The following RABL6 variants were observed in gnomAD, a reference collection of about 807,000 sequenced individuals.
RABL6 encodes the protein rab-like protein 6.
A neutral mutation model predicts 72.9 loss-of-function variants in RABL6; 28 were observed. The observed-to-expected ratio is 0.38, with a 90% CI of 0.28 to 0.53. The LOEUF (loss-of-function observed/expected upper bound fraction) is 0.53, where lower values mean the gene tolerates loss of function less well. RABL6 is among the 20% of genes least tolerant of loss of function. The pLI, the probability that RABL6 is intolerant of heterozygous loss-of-function variation, is 0.80. For missense variants in RABL6, 1,029 were observed against 1,008.4 expected (o/e 1.02, Z -0.28); for synonymous variants, 477 against 421.2 (o/e 1.13, Z -1.62).
At chr9:136,812,828 C>A in intron 1 of RABL6, 1 of 350,296 alleles carries the variant, frequency 2.9e-6, no homozygotes, top group South Asian at 2.6e-5. Context: ...GTCACCTCTG[C>A]CTCCCCAGAA....
intron 7 of RABL6, chr9:136,834,534 G>A (rs1294276412): frequency 2.2e-5 from 20 of 900,670 alleles, no homozygotes; most frequent in East Asian, 1.2e-4. Flanking sequence ...GCTGGAGTAC[G>A]GTGGTGCAAT....
At chr9:136,821,824 G>C in intron 1 of RABL6, 2 of 1,190,492 alleles carry the variant, frequency 1.7e-6, no homozygotes, top group South Asian at 3.1e-5. Flanking sequence ...CGAGGGCCCA[G>C]CCTTCCGCGG....
rs373968985 is a variant in RABL6 at position 136,832,386 on chromosome 9, G to A, written c.705+16G>A. ...GCAGCTTCAGGTAAGCACTCACCAC[G>A]TGGGGTGGAGTGGCTGCTGGTCTCT... On this transcript the variant is annotated intron_variant, in intron 7 of 14. Coordinates refer to ENST00000311502, the MANE Select transcript of RABL6 (RefSeq NM_024718.5). 5.2e-5 allele frequency: 82 copies of A among 1,573,078 alleles called. No individual in the cohort carries two copies. Among genetic ancestry groups the A allele is most frequent in the Admixed American group, 1.5e-4 (9 of 59,960 alleles).
At position 136,820,076 on chromosome 9, in the gene RABL6, G is replaced by A. The variant is rs376863817; in HGVS notation, c.131-3449G>A. 2.6e-5 allele frequency among the ~76,000 whole-genome samples: 4 copies of A among 152,038 alleles called. No homozygotes were observed. In the East Asian group the frequency reaches 5.8e-4, roughly 22 times the overall value. On this transcript the variant is annotated intron_variant, in intron 1 of 14. Transcript: ENST00000311502. ...AAATTAGGCATGGCGGCTTGCGCCT[G>A]TAGTCCCAGCTACTTGGGAGGCTGA... is the stretch of plus-strand genomic sequence containing the variant.
chr9:136,824,749 G>T (rs1173028861), intron 2 of RABL6, among the ~76,000 whole-genome samples: 1 of 152,174 alleles, frequency 6.6e-6, no homozygotes, highest in Admixed American at 6.5e-5. Flanking sequence ...GGACTGCTGT[G>T]CAGGAACAGC....
rs903797826 is a variant in RABL6, at chr9:136,811,806, A to C, written c.130+3480A>C. ...CGCGCCTGGCCAGATTATGTTTCTT[A>C]TCAGACTTAAAGTCAGTGTTGATGT... On this transcript the variant is annotated intron_variant, in intron 1 of 14. Coordinates refer to ENST00000311502, the MANE Select transcript of RABL6 (RefSeq NM_024718.5). Among the ~76,000 whole-genome samples, 17 of 152,154 alleles carry C rather than the reference A, an allele frequency of 1.1e-4. No homozygotes were observed. In the East Asian group the frequency reaches 2.3e-3, roughly 21 times the overall value.
At chr9:136,822,160 C>T (rs922978396) in intron 1 of RABL6, 6 of 1,163,608 alleles carry the variant, frequency 5.2e-6, no homozygotes, top group African/African-American at 4.9e-5. Flanking sequence ...GCGCCCTCTG[C>T]GTTGGGAGCT....
At chr9:136,824,947 G>A (rs913272901) in intron 2 of RABL6, among the ~76,000 whole-genome samples, 7 of 152,232 alleles carry the variant, frequency 4.6e-5, no homozygotes, top group African/African-American at 1.7e-4. Flanking sequence ...TGATTGGTGT[G>A]GGGGCAGATG....
At chr9:136,830,711 C>T (rs1373687555) in intron 5 of RABL6, among the ~76,000 whole-genome samples, 5 of 152,262 alleles carry the variant, frequency 3.3e-5, no homozygotes, top group Admixed American at 6.5e-5. Context: ...GAGCTGCAGC[C>T]GCCTGGGCTG....
At position 136,839,122 on chromosome 9, in the gene RABL6, G is replaced by A; in HGVS notation, c.1493+1G>A. 1 of 1,612,066 alleles carries A rather than the reference G, an allele frequency of 6.2e-7. No individual in the cohort carries two copies. Among genetic ancestry groups the A allele is most frequent in the Non-Finnish European group, 8.5e-7 (1 of 1,179,664 alleles). Reference sequence around the variant, plus strand: ...AGTGCTCAGAGCCAGAGACCAAGTGGTAAGGGCAGGTGTCCCCACGGGTGC... The same window carrying A: ...AGTGCTCAGAGCCAGAGACCAAGTGATAAGGGCAGGTGTCCCCACGGGTGC... On this transcript the variant is annotated splice_donor_variant, in intron 11 of 14. Coordinates refer to ENST00000311502, the MANE Select transcript of RABL6 (RefSeq NM_024718.5). LOFTEE classifies it high-confidence loss of function.
rs1369119705 is a variant in RABL6 at position 136,840,390 on chromosome 9, G to A, written c.2058G>A (p.Glu686=). The A allele has an allele frequency of 1.9e-6, 3 of 1,552,696 alleles. No individual in the cohort carries two copies. Among genetic ancestry groups the A allele is most frequent in the East Asian group, 4.9e-5 (2 of 40,948 alleles). ...GCAAGGACAAGGAGGAGGGCAAGGAGGAGCGGCGACGGCGGCAGCAGCGGC... is the reference window on the plus strand; with the variant it reads ...GCAAGGACAAGGAGGAGGGCAAGGAAGAGCGGCGACGGCGGCAGCAGCGGC... The part of the protein sequence containing the change: ...KKSKDKEEGK[E]ERRRRQQRPP... The change falls in exon 15 of 15, where the codon GAG becomes GAA. Residue 686 remains glutamate (E), a synonymous_variant. Coordinates refer to ENST00000311502, the MANE Select transcript of RABL6 (RefSeq NM_024718.5).
chr9:136,817,553 A>AGGGGAGGCCGACATGGGCTGT (rs1848144852), intron 1 of RABL6, among the ~76,000 whole-genome samples: 4 of 17,040 alleles, frequency 2.3e-4, no homozygotes, highest in Non-Finnish European at 5.3e-4. Context: ...ACGTGGGCTG[A>AGGGGAGGCCGACATGGGCTGT]GGGGAGGCCG....
intron 7 of RABL6, among the ~76,000 whole-genome samples, chr9:136,834,885 C>G (rs1848556793): frequency 6.7e-6 from 1 of 148,688 alleles, no homozygotes; most frequent in South Asian, 2.1e-4. Flanking sequence ...CCCAGGAGTT[C>G]CAGATCTTCT....
chr9:136,821,164 C>T (rs1234218372), intron 1 of RABL6, among the ~76,000 whole-genome samples: 1 of 152,232 alleles, frequency 6.6e-6, no homozygotes, highest in African/African-American at 2.4e-5. Flanking sequence ...AAGTTCCTTA[C>T]AAAGAGCATG....
At chr9:136,817,553 A>AGGGGAGGTCGACGTGGGCTGT (rs1848144746) in intron 1 of RABL6, among the ~76,000 whole-genome samples, 2 of 17,038 alleles carry the variant, frequency 1.2e-4, no homozygotes, top group Non-Finnish European at 1.8e-4. Flanking sequence ...ACGTGGGCTG[A>AGGGGAGGTCGACGTGGGCTGT]GGGGAGGCCG....
intron 2 of RABL6, among the ~76,000 whole-genome samples, chr9:136,825,045 A>G (rs1848323384): frequency 6.6e-6 from 1 of 152,130 alleles, no homozygotes; most frequent in Non-Finnish European, 1.5e-5. Flanking sequence ...GGCTCCATCC[A>G]TCAGCTCCCC....
At chr9:136,829,755 T>C (rs1409951120) in intron 5 of RABL6, among the ~76,000 whole-genome samples, 1 of 152,256 alleles carries the variant, frequency 6.6e-6, no homozygotes, top group East Asian at 1.9e-4. Flanking sequence ...AGCCCCACTG[T>C]TCTTCCTGAA....
At chr9:136,828,282 C>T (rs927686682) in intron 3 of RABL6, 9 of 565,048 alleles carry the variant, frequency 1.6e-5, no homozygotes, top group African/African-American at 9.4e-5. Context: ...TGTCCAGGCC[C>T]GGCCCAGCCC....
At position 136,826,107 on chromosome 9, in the gene RABL6, C is replaced by G. The variant is rs1397052225; in HGVS notation, c.313+281C>G. Among the ~76,000 whole-genome samples the G allele has an allele frequency of 1.3e-5, 2 of 152,136 alleles. No homozygotes were observed. The highest frequency in any genetic ancestry group is 2.9e-5 in the Non-Finnish European group (2 of 68,012). On this transcript the variant is annotated intron_variant, in intron 3 of 14. Transcript: ENST00000311502. The surrounding 1 kb of genome is among the most constrained non-coding windows in gnomAD (Gnocchi z 4.9). ...GCAGCCGGGGGGTGTGCTTTGAGCCCCAAGGCCCAGGGTGCTATTTTGGGA... is the reference window on the plus strand; with the variant it reads ...GCAGCCGGGGGGTGTGCTTTGAGCCGCAAGGCCCAGGGTGCTATTTTGGGA...
Sources: allele counts gnomAD v4.1 joint callset (sites outside exome capture counted in the v4.1 genomes callset), GRCh38; gene constraint gnomAD v4.1.1; non-coding constraint Gnocchi (gnomAD v3.1); transcripts MANE v1.5; gene names NCBI Gene and HGNC (gene_info 2026-07-23, HGNC 2026-07-21).